NHSL1: variants seen among roughly 807,000 people sequenced by gnomAD.
NHSL1 encodes the protein NHS-like protein 1.
NHSL1 carries 48 observed loss-of-function variants against 95.0 expected under a neutral mutation model. That is an observed-to-expected ratio of 0.51 (90% CI 0.40 to 0.64). The LOEUF (loss-of-function observed/expected upper bound fraction) is 0.64, where lower values mean the gene tolerates loss of function less well. NHSL1 is among the 30% of genes least tolerant of loss of function. The pLI, the probability that NHSL1 is intolerant of heterozygous loss-of-function variation, is 0.00. For synonymous variants in NHSL1, 783 were observed against 833.9 expected (o/e 0.94, Z 1.05); for missense variants, 1,971 against 2,077.7 (o/e 0.95, Z 1.00).
intron 1 of NHSL1, among the ~76,000 whole-genome samples, chr6:138,622,266 G>A (rs1784674060): frequency 6.6e-6 from 1 of 152,098 alleles, no homozygotes; most frequent in African/African-American, 2.4e-5. Flanking sequence ...ACTTTAGGAG[G>A]CCGAGGTGGG....
chr6:138,663,062 C>CAAA lies in NHSL1; in HGVS notation c.96+29411_96+29413dup, dbSNP rs10632082. Among the ~76,000 whole-genome samples the CAAA allele has an allele frequency of 7.9e-5, 10 of 126,692 alleles. 4 individuals are homozygous for CAAA. Among genetic ancestry groups the CAAA allele is most frequent in the East Asian group, 4.5e-4 (2 of 4,450 alleles). 83.1% of individuals were successfully genotyped at this position (126,692 alleles called of 152,430 possible). ...GCAAATATGTTCACCGAACTCACGG[C>CAAA]AAAAAAAAAAAGAAAAAGAAATATT... On this transcript the variant is annotated intron_variant, in intron 1 of 3. Transcript: ENST00000491526.
chr6:138,423,066 A>G lies in NHSL1; in HGVS notation c.*1015T>C, dbSNP rs1775013395. On this transcript the variant is annotated 3_prime_UTR_variant, in exon 8 of 8. Transcript: ENST00000343505. ...ATGTTGACATTTCAAGTGACAGGAA[A>G]TTGCCTAATGGAAGTTTAAACTCTG... 6.8e-6 allele frequency: 1 copy of G among 146,054 alleles called. No individual in the cohort carries two copies. The highest frequency in any genetic ancestry group is 1.5e-5 in the Non-Finnish European group (1 of 66,968). The allele number at this position is 146,054 out of a possible 1,614,324, so 9.0% of individuals were successfully genotyped here.
intron 1 of NHSL1, among the ~76,000 whole-genome samples, chr6:138,555,677 TA>T (rs1783171532): frequency 6.6e-6 from 1 of 152,242 alleles, no homozygotes; most frequent in South Asian, 2.1e-4. Flanking sequence ...TTTGCTATGG[TA>T]AGTTGCTTAT....
At chr6:138,677,053 GAAGT>G (rs1222397848) in intron 1 of NHSL1, among the ~76,000 whole-genome samples, 4 of 152,332 alleles carry the variant, frequency 2.6e-5, no homozygotes, top group African/African-American at 4.8e-5. Flanking sequence ...ACAGGTTACA[GAAGT>G]AAGTAATAAA....
At chr6:138,463,284 GCTCA>G in intron 3 of NHSL1, among the ~76,000 whole-genome samples, 3 of 152,032 alleles carry the variant, frequency 2.0e-5, no homozygotes, top group African/African-American at 7.2e-5. Flanking sequence ...TTACTTCCCT[GCTCA>G]ACTCCTCCAG....
intron 1 of NHSL1, among the ~76,000 whole-genome samples, chr6:138,531,901 C>A (rs1295211866): frequency 6.6e-6 from 1 of 152,070 alleles, no homozygotes; most frequent in East Asian, 1.9e-4. Flanking sequence ...AGTAATATAG[C>A]CAACATTTAT....
chr6:138,571,999 C>T (rs959046524), exon 1 of NHSL1: 39 of 1,039,130 alleles, frequency 3.8e-5, no homozygotes, highest in Non-Finnish European at 4.6e-5. Flanking sequence ...TCTCCACGAG[C>T]CTGCTGTTTC....
At chr6:138,609,184 A>T (rs1246060341) in intron 1 of NHSL1, among the ~76,000 whole-genome samples, 1 of 152,208 alleles carries the variant, frequency 6.6e-6, no homozygotes, top group Non-Finnish European at 1.5e-5. Flanking sequence ...AAGCAAATGG[A>T]TGTTGCTTAG....
At position 138,431,365 on chromosome 6, in the gene NHSL1, G is replaced by A. The variant is rs748113531; in HGVS notation, c.2980C>T (p.Arg994Cys). 1.6e-5 allele frequency: 24 copies of A among 1,545,356 alleles called. No homozygotes were observed. The highest frequency in any genetic ancestry group is 4.1e-5 in the African/African-American group (3 of 72,936). ...SPPDWCLSPP[R>C]PALSPILPDS... ...GGAAGAATGGGGCTCAGTGCAGGGCGGGGAGGAGAAAGGCACCAATCAGGT... is the reference window on the plus strand; with the variant it reads ...GGAAGAATGGGGCTCAGTGCAGGGCAGGGAGGAGAAAGGCACCAATCAGGT... The change falls in exon 6 of 8, where the codon CGC becomes TGC. Residue 994 changes from arginine (R) to cysteine (C), a missense_variant. Physicochemically the swap from Arg to Cys is radical, Grantham distance 180. Transcript: ENST00000343505. The surrounding 1 kb of genome is among the most constrained non-coding windows in gnomAD (Gnocchi z 4.0).
Position 138,433,175 on chromosome 6 carries a change from G to A in NHSL1, c.1170C>T (p.Phe390=), listed in dbSNP as rs112913420. The A allele has an allele frequency of 1.5e-5, 23 of 1,551,024 alleles. No homozygotes were observed. The East Asian group carries it at 2.9e-4, about 20-fold the overall frequency. ...CTGGGCTCATTATATTTTCACTCTC[G>A]AAGTGTCTCAACTCCTGGGATTTGG... ...LRPKSQELRH[F]ESENIMSPAC... is the part of the protein sequence containing the mutation. The change falls in exon 6 of 8, where the codon TTC becomes TTT. Residue 390 remains phenylalanine, a synonymous_variant. Coordinates refer to ENST00000343505, the MANE Select transcript of NHSL1 (RefSeq NM_001144060.2).
chr6:138,472,353 C>G (rs1778808640), intron 3 of NHSL1, among the ~76,000 whole-genome samples: 1 of 152,120 alleles, frequency 6.6e-6, no homozygotes, highest in Non-Finnish European at 1.5e-5. Context: ...CTCAAGGGAT[C>G]CTCCTGTCTC....
At chr6:138,530,586 T>G (rs1405605359) in intron 1 of NHSL1, among the ~76,000 whole-genome samples, 1 of 152,168 alleles carries the variant, frequency 6.6e-6, no homozygotes, top group African/African-American at 2.4e-5. Context: ...CACCATAGAA[T>G]ACTACTCAGC....
intron 1 of NHSL1, among the ~76,000 whole-genome samples, chr6:138,564,085 G>C (rs954925586): frequency 1.3e-5 from 2 of 151,982 alleles, no homozygotes; most frequent in African/African-American, 4.8e-5. Flanking sequence ...TTTATCCAAA[G>C]AGCTTGATAC....
Position 138,424,655 on chromosome 6 carries a change from C to G in NHSL1, c.4247G>C (p.Ser1416Thr). 6 of 1,551,628 alleles carry G rather than the reference C, an allele frequency of 3.9e-6. No homozygotes were observed. Among genetic ancestry groups the G allele is most frequent in the Non-Finnish European group, 5.2e-6 (6 of 1,146,990 alleles). ...CAGCAGCAGAGCTTTGAAGTTGTCA[C>G]TGCTGGTGCTGCTCTTTCGGATGCT... Reference protein sequence around the residue: ...QRSIRKSSTSSDNFKALLLKK... With the variant: ...QRSIRKSSTSTDNFKALLLKK... The change falls in exon 8 of 8, where the codon AGT becomes ACT. Residue 1416 changes from serine (S) to threonine (T), a missense_variant. Transcript: ENST00000343505. The surrounding 1 kb of genome is among the most constrained non-coding windows in gnomAD (Gnocchi z 5.9).
intron 1 of NHSL1, among the ~76,000 whole-genome samples, chr6:138,594,072 C>T (rs936806455): frequency 3.3e-5 from 5 of 152,158 alleles, no homozygotes; most frequent in Non-Finnish European, 5.9e-5. Context: ...CTTTGACATG[C>T]TAATGTTGCT....
intron 1 of NHSL1, among the ~76,000 whole-genome samples, chr6:138,565,443 T>C (rs963678673): frequency 2.0e-5 from 3 of 151,870 alleles, no homozygotes; most frequent in Admixed American, 6.6e-5. Flanking sequence ...CTGGAGACAG[T>C]GTAGACTCAT....
intron 1 of NHSL1, among the ~76,000 whole-genome samples, chr6:138,625,067 G>A (rs1041204224): frequency 1.4e-4 from 21 of 151,918 alleles, no homozygotes; most frequent in African/African-American, 5.1e-4. Flanking sequence ...TTAATACGGT[G>A]GATATTAATT....
At chr6:138,611,425 T>C (rs1784510204) in intron 1 of NHSL1, among the ~76,000 whole-genome samples, 1 of 152,174 alleles carries the variant, frequency 6.6e-6, no homozygotes, top group Non-Finnish European at 1.5e-5. Flanking sequence ...ACACACCATA[T>C]AATAGAAATG....
chr6:138,528,163 G>A (rs1377204533), intron 1 of NHSL1, among the ~76,000 whole-genome samples: 2 of 152,100 alleles, frequency 1.3e-5, no homozygotes, highest in Non-Finnish European at 2.9e-5. Flanking sequence ...TATAATTCCA[G>A]ATGATTACAT....
Sources: allele counts gnomAD v4.1 joint callset (sites outside exome capture counted in the v4.1 genomes callset), GRCh38; gene constraint gnomAD v4.1.1; non-coding constraint Gnocchi (gnomAD v3.1); transcripts MANE v1.5; gene names NCBI Gene and HGNC (gene_info 2026-07-23, HGNC 2026-07-21).